HCN1: variants seen among roughly 807,000 people sequenced by gnomAD.
The protein encoded by HCN1 is potassium/sodium hyperpolarization-activated cyclic nucleotide-gated channel 1.
In HCN1, 13 loss-of-function variants were observed where a neutral mutation model predicts 78.9. That is an observed-to-expected ratio of 0.16 (90% confidence interval 0.11 to 0.26). The LOEUF (loss-of-function observed/expected upper bound fraction) is 0.26, where lower values mean the gene tolerates loss of function less well. HCN1 is among the 10% of genes least tolerant of loss of function. The pLI is 1.00. For missense variants in HCN1, 810 were observed against 1,154.3 expected (o/e 0.70, Z 4.32); for synonymous variants, 552 against 455.5 (o/e 1.21, Z -2.70).
intron 5 of HCN1, among the ~76,000 whole-genome samples, chr5:45,306,313 T>A (rs1745733465): frequency 6.6e-6 from 1 of 152,086 alleles, no homozygotes; most frequent in Non-Finnish European, 1.5e-5. Flanking sequence ...TAGAAAATAG[T>A]TGGAATTATA....
At chr5:45,406,716 C>T (rs889233257) in intron 3 of HCN1, among the ~76,000 whole-genome samples, 2 of 151,954 alleles carry the variant, frequency 1.3e-5, no homozygotes, top group African/African-American at 4.8e-5. Context: ...ATAACCATAA[C>T]AGAGAAATTC....
intron 6 of HCN1, among the ~76,000 whole-genome samples, chr5:45,268,016 G>C (rs1260476648): frequency 6.6e-6 from 1 of 152,178 alleles, no homozygotes; most frequent in Non-Finnish European, 1.5e-5. Context: ...GTATAATCTA[G>C]GCAGAAGCCA....
intron 3 of HCN1, among the ~76,000 whole-genome samples, chr5:45,406,112 A>AT (rs1185501339): frequency 6.6e-6 from 1 of 152,100 alleles, no homozygotes; most frequent in African/African-American, 2.4e-5. Flanking sequence ...CATTCATCCA[A>AT]TTTTTTATAC....
chr5:45,611,057 C>CT (rs35729058), intron 2 of HCN1, among the ~76,000 whole-genome samples: 3,734 of 142,286 alleles, frequency 0.026, 87 homozygotes, highest in Non-Finnish European at 0.036. Flanking sequence ...AAATTCTTTT[C>CT]TTTTTTTTTT....
chr5:45,398,641 C>T (rs531878722), intron 3 of HCN1, among the ~76,000 whole-genome samples: 1 of 151,940 alleles, frequency 6.6e-6, no homozygotes, highest in African/African-American at 2.4e-5. Context: ...TTGTCAAGGC[C>T]GTGCAAAAAA....
intron 3 of HCN1, among the ~76,000 whole-genome samples, chr5:45,460,359 A>G (rs1346636425): frequency 1.3e-5 from 2 of 152,070 alleles, no homozygotes; most frequent in Admixed American, 1.3e-4. Flanking sequence ...CAGAAATTGA[A>G]CGTGCTGGCA....
chr5:45,565,561 A>C (rs12513467), intron 2 of HCN1, among the ~76,000 whole-genome samples: 8,465 of 152,148 alleles, frequency 0.056, 306 homozygotes, highest in East Asian at 0.15. Context: ...GGTGGCTTGC[A>C]CCTGTAATCC....
intron 2 of HCN1, among the ~76,000 whole-genome samples, chr5:45,586,310 G>A (rs1309730624): frequency 6.6e-6 from 1 of 152,136 alleles, no homozygotes; most frequent in African/African-American, 2.4e-5. Context: ...CTGTGGTGTA[G>A]GACCCTCTGA....
At chr5:45,288,989 T>C (rs906508185) in intron 6 of HCN1, among the ~76,000 whole-genome samples, 13 of 152,162 alleles carry the variant, frequency 8.5e-5, no homozygotes, top group Admixed American at 5.2e-4. Context: ...CCGCAGGACA[T>C]CATTGCCTTC....
intron 6 of HCN1, among the ~76,000 whole-genome samples, chr5:45,275,203 G>T (rs920978161): frequency 6.6e-6 from 1 of 150,994 alleles, no homozygotes; most frequent in Non-Finnish European, 1.5e-5. Flanking sequence ...CTGAGATCGT[G>T]CCACTGCACT....
chr5:45,559,982 C>G (rs911332541), intron 2 of HCN1: 4 of 152,092 alleles, frequency 2.6e-5, no homozygotes, highest in African/African-American at 9.7e-5. Context: ...GCAAAAAGAT[C>G]AGGACTTGCT....
chr5:45,606,723 A>G (rs1187648360), intron 2 of HCN1, among the ~76,000 whole-genome samples: 2 of 151,932 alleles, frequency 1.3e-5, no homozygotes, highest in Non-Finnish European at 2.9e-5. Flanking sequence ...AAACAAATAA[A>G]CCCCACTAAA....
chr5:45,435,152 G>C (rs1481704208), intron 3 of HCN1, among the ~76,000 whole-genome samples: 5 of 151,900 alleles, frequency 3.3e-5, no homozygotes, highest in Non-Finnish European at 7.4e-5. Flanking sequence ...ATCATCAAAT[G>C]ACTAATTTAT....
intron 6 of HCN1, among the ~76,000 whole-genome samples, chr5:45,285,628 T>C (rs1274491382): frequency 2.6e-5 from 4 of 151,994 alleles, no homozygotes; most frequent in Non-Finnish European, 5.9e-5. Flanking sequence ...AATTTCAAGA[T>C]TGTTATCTGA....
intron 2 of HCN1, among the ~76,000 whole-genome samples, chr5:45,587,832 A>C (rs1261250542): frequency 1.3e-5 from 2 of 152,140 alleles, no homozygotes; most frequent in Non-Finnish European, 1.5e-5. Flanking sequence ...CAGAATTTGG[A>C]GGTGGGACCT....
rs1209590128 is a variant in HCN1, at chr5:45,400,038, A to G, written c.1012-3328T>C. On this transcript the variant is annotated intron_variant, in intron 3 of 7. Coordinates refer to ENST00000303230, the MANE Select transcript of HCN1 (RefSeq NM_021072.4). ...TTCCAAAATTCTAGATGGTCCATGA[A>G]CAAGAAATGGTATATTTACATTTAC... 2.6e-5 allele frequency among the ~76,000 whole-genome samples: 4 copies of G among 152,136 alleles called. No individual in the cohort carries two copies. In the East Asian group the frequency reaches 7.7e-4, roughly 29 times the overall value.
intron 4 of HCN1, among the ~76,000 whole-genome samples, chr5:45,394,588 A>C: frequency 6.6e-6 from 1 of 152,198 alleles, no homozygotes; most frequent in East Asian, 1.9e-4. Context: ...TGACTAAAAA[A>C]TGAGTACAGA....
chr5:45,623,960 AG>A (rs1745117339), intron 2 of HCN1, among the ~76,000 whole-genome samples: 1 of 152,212 alleles, frequency 6.6e-6, no homozygotes, highest in Admixed American at 6.5e-5. Context: ...ACCTGGTGAA[AG>A]CATATTCCTG....
At chr5:45,372,206 A>G (rs1208796063) in intron 4 of HCN1, among the ~76,000 whole-genome samples, 3 of 55,316 alleles carry the variant, frequency 5.4e-5, no homozygotes, top group Non-Finnish European at 7.8e-5. Flanking sequence ...TATAATACAT[A>G]TTATATAATA....
Sources: gnomAD v4.1 joint callset for allele counts (sites outside exome capture counted in the v4.1 genomes callset) on GRCh38, gnomAD v4.1.1 for gene constraint, MANE v1.5 for transcripts, NCBI Gene and HGNC (gene_info 2026-07-23, HGNC 2026-07-21) for gene names.